The following FBXL17 variants were observed in gnomAD, a reference collection of about 807,000 sequenced individuals.
FBXL17 encodes F-box and leucine rich repeat protein 17, also known as F-box/LRR-repeat protein 17.
In FBXL17, 22 loss-of-function variants were observed where a neutral mutation model predicts 66.2. That is an observed-to-expected ratio of 0.33 (90% CI 0.24 to 0.47). FBXL17 has a LOEUF of 0.47. Among genes scored for constraint, FBXL17 ranks in the 20% least tolerant of loss-of-function variants. The pLI, the probability that FBXL17 is intolerant of heterozygous loss-of-function variation, is 1.00. For synonymous variants in FBXL17, 474 were observed against 400.5 expected (o/e 1.18, Z -2.19); for missense variants, 878 against 948.2 (o/e 0.93, Z 0.97).
At chr5:108,250,041 T>C (rs555178001) in intron 4 of FBXL17, among the ~76,000 whole-genome samples, 3 of 152,248 alleles carry the variant, frequency 2.0e-5, no homozygotes, top group South Asian at 2.1e-4. Flanking sequence ...CAAGAGCCCA[T>C]ATAAATCTCT....
chr5:107,880,847 C>T (rs777874701), intron 8 of FBXL17, 190 bp downstream of exon 8: 2 of 1,374,596 alleles, frequency 1.5e-6, no homozygotes, highest in Non-Finnish European at 1.9e-6. Context: ...TGGGGAAATA[C>T]AAAGATAATC....
At chr5:108,286,914 TACTGGTAGAAAAAAGACACA>T in intron 4 of FBXL17, among the ~76,000 whole-genome samples, 1 of 152,072 alleles carries the variant, frequency 6.6e-6, no homozygotes, top group South Asian at 2.1e-4. Context: ...AACAGCATTA[TACTGGTAGAAAAAAGACACA>T]CAGACAAATG....
chr5:108,004,038 C>T (rs564518838), intron 7 of FBXL17, among the ~76,000 whole-genome samples: 16 of 151,868 alleles, frequency 1.1e-4, no homozygotes, highest in African/African-American at 2.2e-4. Flanking sequence ...AGAAAAGCTG[C>T]GCAACATTAA....
chr5:107,870,551 A>G (rs1474810625), intron 8 of FBXL17, among the ~76,000 whole-genome samples: 1 of 151,712 alleles, frequency 6.6e-6, no homozygotes, highest in African/African-American at 2.4e-5. Flanking sequence ...AAAACCCATG[A>G]TATGGAAGGA....
intron 6 of FBXL17, among the ~76,000 whole-genome samples, chr5:108,036,762 C>T (rs779887103): frequency 2.0e-5 from 3 of 152,150 alleles, no homozygotes; most frequent in Admixed American, 6.5e-5. Flanking sequence ...ATACGCAAAA[C>T]AGGTTTGTTG....
intron 6 of FBXL17, among the ~76,000 whole-genome samples, chr5:108,063,241 C>T (rs1002008571): frequency 2.0e-5 from 3 of 152,126 alleles, no homozygotes; most frequent in Admixed American, 2.0e-4. Flanking sequence ...AGCATTTGTC[C>T]TACAGACTGT....
chr5:107,895,456 C>G (rs979306772), intron 7 of FBXL17, among the ~76,000 whole-genome samples: 2 of 152,106 alleles, frequency 1.3e-5, no homozygotes, highest in Admixed American at 1.3e-4. Flanking sequence ...TCCTTTGTAT[C>G]TTAGGTCAAT....
At chr5:108,293,599 C>G (rs1359310163) in intron 4 of FBXL17, among the ~76,000 whole-genome samples, 4 of 152,214 alleles carry the variant, frequency 2.6e-5, no homozygotes, top group Admixed American at 1.3e-4. Flanking sequence ...TCCAAATAAA[C>G]CAGACTTGCT....
intron 6 of FBXL17, among the ~76,000 whole-genome samples, chr5:108,139,303 C>T (rs1031372383): frequency 2.6e-5 from 4 of 152,138 alleles, no homozygotes; most frequent in East Asian, 1.9e-4. Flanking sequence ...ACAGCATTCG[C>T]TAATTTTAGA....
At chr5:108,066,657 A>G (rs1669058262) in intron 6 of FBXL17, among the ~76,000 whole-genome samples, 1 of 151,962 alleles carries the variant, frequency 6.6e-6, no homozygotes, top group African/African-American at 2.4e-5. Context: ...ATAATGTATC[A>G]TTTTAGAAGG....
chr5:107,939,352 C>T (rs182111949), intron 7 of FBXL17, among the ~76,000 whole-genome samples: 18 of 152,054 alleles, frequency 1.2e-4, no homozygotes, highest in South Asian at 2.1e-4. Context: ...TTCTGGGGCA[C>T]GCAACATGAG....
At chr5:107,864,535 A>T (rs900855114) in intron 8 of FBXL17, among the ~76,000 whole-genome samples, 2 of 152,032 alleles carry the variant, frequency 1.3e-5, no homozygotes, top group African/African-American at 2.4e-5. Context: ...TGTGATCCCC[A>T]ATGTTGGAGG....
At chr5:108,219,346 C>T (rs573282508) in intron 5 of FBXL17, among the ~76,000 whole-genome samples, 60 of 152,130 alleles carry the variant, frequency 3.9e-4, no homozygotes, top group Non-Finnish European at 7.4e-4. Context: ...CAGTGTTTTT[C>T]AAATAAATTT....
intron 6 of FBXL17, among the ~76,000 whole-genome samples, chr5:108,129,063 G>A (rs539560725): frequency 1.4e-4 from 22 of 152,166 alleles, no homozygotes; most frequent in African/African-American, 5.3e-4. Flanking sequence ...TATCAAATAG[G>A]TTGACTTAAA....
intron 6 of FBXL17, among the ~76,000 whole-genome samples, chr5:108,163,005 T>C (rs1383801379): frequency 1.3e-5 from 2 of 152,140 alleles, no homozygotes; most frequent in Non-Finnish European, 2.9e-5. Flanking sequence ...TTTTAAAAAA[T>C]ACAAATTGTA....
At chr5:108,342,221 T>C (rs925037407) in intron 4 of FBXL17, among the ~76,000 whole-genome samples, 8 of 152,174 alleles carry the variant, frequency 5.3e-5, no homozygotes, top group African/African-American at 1.7e-4. Context: ...TGGTACTAGC[T>C]TCTGAATCAA....
intron 4 of FBXL17, among the ~76,000 whole-genome samples, chr5:108,250,931 T>C (rs1468704246): frequency 6.6e-6 from 1 of 152,098 alleles, no homozygotes; most frequent in East Asian, 1.9e-4. Context: ...ATTTAATAGC[T>C]ACACAGTATT....
At chr5:108,049,801 T>G (rs1747401762) in intron 6 of FBXL17, among the ~76,000 whole-genome samples, 1 of 152,100 alleles carries the variant, frequency 6.6e-6, no homozygotes, top group African/African-American at 2.4e-5. Flanking sequence ...GCAAACTGGA[T>G]AAGGAGTCAA....
intron 6 of FBXL17, among the ~76,000 whole-genome samples, chr5:108,170,645 T>C (rs914558321): frequency 2.0e-5 from 3 of 152,152 alleles, no homozygotes; most frequent in South Asian, 2.1e-4. Context: ...GCAATTCTCC[T>C]GCCTCAGCTT....
Sources: allele counts gnomAD v4.1 joint callset (sites outside exome capture counted in the v4.1 genomes callset), GRCh38; gene constraint gnomAD v4.1.1; transcripts MANE v1.5; gene names NCBI Gene and HGNC (gene_info 2026-07-23, HGNC 2026-07-21).